Variants in BBS9 observed in about 807,000 individuals in gnomAD.
The protein encoded by BBS9 is protein PTHB1.
BBS9 carries 89 observed loss-of-function variants against 117.7 expected under a neutral mutation model. The ratio of observed to expected loss-of-function variants is 0.76; its 90% CI spans 0.64 to 0.90. The LOEUF (loss-of-function observed/expected upper bound fraction) is 0.90, where lower values mean the gene tolerates loss of function less well. Ranked by LOEUF, BBS9 falls within the 40% of genes least tolerant of loss-of-function variation. The pLI is 0.00. For synonymous variants in BBS9, 379 were observed against 370.9 expected (o/e 1.02, Z -0.25); for missense variants, 982 against 1,042.2 (o/e 0.94, Z 0.80).
chr7:33,332,155 G>A (rs1276367616), intron 9 of BBS9, among the ~76,000 whole-genome samples: 1 of 148,306 alleles, frequency 6.7e-6, no homozygotes, highest in Non-Finnish European at 1.5e-5. Context: ...GCCAGACTTC[G>A]AGCGAACTGA....
chr7:33,155,894 C>G (rs551316546), intron 4 of BBS9, among the ~76,000 whole-genome samples, 192 bp downstream of exon 4: 2 of 152,190 alleles, frequency 1.3e-5, no homozygotes, highest in Admixed American at 1.3e-4. Context: ...TTTTCATGGT[C>G]TACTATTTCT....
At chr7:33,188,901 T>C (rs1261040185) in intron 5 of BBS9, among the ~76,000 whole-genome samples, 2 of 152,096 alleles carry the variant, frequency 1.3e-5, no homozygotes, top group East Asian at 1.9e-4. Context: ...ACATGTTTTA[T>C]AAGGGGGGGA....
chr7:33,588,144 C>G (rs1404889583), intron 21 of BBS9, among the ~76,000 whole-genome samples: 1 of 152,064 alleles, frequency 6.6e-6, no homozygotes, highest in East Asian at 1.9e-4. Context: ...TATTTCTTCT[C>G]TGGGGTGGAC....
intron 21 of BBS9, among the ~76,000 whole-genome samples, chr7:33,614,724 G>A (rs1322093871): frequency 6.6e-6 from 1 of 152,052 alleles, no homozygotes; most frequent in African/African-American, 2.4e-5. Flanking sequence ...AGAAGACCCA[G>A]TCATAAGGGA....
chr7:33,403,439 A>T (rs1163451060), intron 19 of BBS9, among the ~76,000 whole-genome samples: 1 of 148,648 alleles, frequency 6.7e-6, no homozygotes, highest in Non-Finnish European at 1.5e-5. Context: ...AGCATTAGTT[A>T]TGTCTCCTAA....
chr7:33,587,383 T>G (rs1443979988), intron 21 of BBS9, among the ~76,000 whole-genome samples: 1 of 152,114 alleles, frequency 6.6e-6, no homozygotes, highest in Non-Finnish European at 1.5e-5. Context: ...CAGAGAGAGC[T>G]CTCTCTTCTG....
intron 9 of BBS9, among the ~76,000 whole-genome samples, chr7:33,297,056 G>A (rs1033531757): frequency 2.6e-5 from 4 of 152,142 alleles, no homozygotes; most frequent in Non-Finnish European, 4.4e-5. Context: ...AAGAGTCATT[G>A]TTGACATGAA....
intron 21 of BBS9, among the ~76,000 whole-genome samples, chr7:33,544,165 A>G (rs919391212): frequency 1.3e-5 from 2 of 152,114 alleles, no homozygotes; most frequent in Admixed American, 6.5e-5. Flanking sequence ...CTCCCTGATT[A>G]GCTTAATAAC....
At chr7:33,313,062 T>C (rs927302480) in intron 9 of BBS9, among the ~76,000 whole-genome samples, 5 of 146,918 alleles carry the variant, frequency 3.4e-5, no homozygotes, top group Admixed American at 6.7e-5. Flanking sequence ...TGTGTGTGTG[T>C]GTGCGCGCAC....
At chr7:33,630,108 G>A (rs1865815958) in intron 21 of BBS9, among the ~76,000 whole-genome samples, 1 of 151,930 alleles carries the variant, frequency 6.6e-6, no homozygotes, top group African/African-American at 2.4e-5. Context: ...TTGAATTTTT[G>A]ATATGATTAG....
chr7:33,206,997 T>A (rs1787054675), intron 5 of BBS9, among the ~76,000 whole-genome samples: 2 of 152,168 alleles, frequency 1.3e-5, no homozygotes, highest in Non-Finnish European at 2.9e-5. Context: ...GTCTCTTACT[T>A]CCCTGTGATT....
intron 5 of BBS9, among the ~76,000 whole-genome samples, chr7:33,193,398 G>A (rs1784445278): frequency 1.4e-5 from 2 of 140,072 alleles, no homozygotes; most frequent in South Asian, 2.3e-4. Context: ...TTCGCATATT[G>A]TCTTCCCCTG....
chr7:33,292,832 C>T (rs1023705404), intron 9 of BBS9, among the ~76,000 whole-genome samples: 4 of 151,868 alleles, frequency 2.6e-5, no homozygotes, highest in African/African-American at 7.3e-5. Context: ...ATGGTGAAAC[C>T]CTGTCTCTAC....
chr7:33,575,543 C>T (rs949917424), intron 21 of BBS9, among the ~76,000 whole-genome samples: 2 of 152,142 alleles, frequency 1.3e-5, no homozygotes, highest in African/African-American at 2.4e-5. Context: ...AGGGAATCCT[C>T]CCTAACTCAT....
At chr7:33,395,580 T>C (rs892615081) in intron 19 of BBS9, among the ~76,000 whole-genome samples, 31 of 152,130 alleles carry the variant, frequency 2.0e-4, no homozygotes, top group Admixed American at 5.9e-4. Flanking sequence ...TAGTAGTCAT[T>C]AATGTTCTAG....
At chr7:33,232,150 T>C (rs1402924329) in intron 5 of BBS9, among the ~76,000 whole-genome samples, 1 of 152,202 alleles carries the variant, frequency 6.6e-6, no homozygotes, top group Non-Finnish European at 1.5e-5. Flanking sequence ...ATTAATGGAT[T>C]AGTTCTTTGG....
intron 19 of BBS9, among the ~76,000 whole-genome samples, chr7:33,401,302 G>C (rs994723992): frequency 6.6e-6 from 1 of 152,088 alleles, no homozygotes; most frequent in Non-Finnish European, 1.5e-5. Flanking sequence ...TCCCACTTTT[G>C]TGATTCAAGG....
rs147507796 is a variant in BBS9, at chr7:33,365,320, C to T, written c.1694-2447C>T. Among the ~76,000 whole-genome samples the T allele has an allele frequency of 1.2e-3, 184 of 152,226 alleles. 1 individual carries two copies. The highest frequency in any genetic ancestry group is 3.9e-3 in the African/African-American group (161 of 41,530). ...CCAACTTCGTGTGCTGATTTTGGTACGAAAGACCTTCTTCTATGGGAAGGT... is the reference window on the plus strand; with the variant it reads ...CCAACTTCGTGTGCTGATTTTGGTATGAAAGACCTTCTTCTATGGGAAGGT... On this transcript the variant is annotated intron_variant, in intron 16 of 22. Coordinates refer to ENST00000242067, the MANE Select transcript of BBS9 (RefSeq NM_198428.3).
intron 13 of BBS9, chr7:33,349,424 T>C (rs1036112215): frequency 2.1e-6 from 1 of 476,018 alleles, no homozygotes; most frequent in African/African-American, 2.0e-5. Context: ...GGACCTATAA[T>C]TGTTTTTGAT....
Sources: gnomAD v4.1 joint callset for allele counts (sites outside exome capture counted in the v4.1 genomes callset) on GRCh38, gnomAD v4.1.1 for gene constraint, MANE v1.5 for transcripts, NCBI Gene and HGNC (gene_info 2026-07-23, HGNC 2026-07-21) for gene names.